Variants in SARS1 observed in about 807,000 individuals in gnomAD.
SARS1 encodes seryl-tRNA synthetase 1.
In SARS1, 25 loss-of-function variants were observed where a neutral mutation model predicts 63.7. The observed-to-expected ratio is 0.39, with a 90% CI of 0.29 to 0.55. SARS1 has a LOEUF of 0.55. Among genes scored for constraint, SARS1 ranks in the 20% least tolerant of loss-of-function variants. The pLI is 0.62. For synonymous variants in SARS1, 231 were observed against 243.5 expected (o/e 0.95, Z 0.48); for missense variants, 417 against 649.7 (o/e 0.64, Z 3.89).
At chr1:109,226,677 A>AAAAAATATATATATATAT (rs1178056468) in intron 2 of SARS1, among the ~76,000 whole-genome samples, 1 of 44,960 alleles carries the variant, frequency 2.2e-5, no homozygotes, top group African/African-American at 8.3e-5. Flanking sequence ...AAAAAAAAAA[A>AAAAAATATATATATATAT]ATATATATAT....
intron 3 of SARS1, among the ~76,000 whole-genome samples, chr1:109,228,885 G>A (rs1452707508): frequency 1.3e-5 from 2 of 152,174 alleles, no homozygotes; most frequent in Admixed American, 6.5e-5. Context: ...TGAAGGTCTC[G>A]GATTGGGGGC....
intron 4 of SARS1, among the ~76,000 whole-genome samples, chr1:109,230,574 A>G (rs1655187365): frequency 6.6e-6 from 1 of 152,194 alleles, no homozygotes; most frequent in Non-Finnish European, 1.5e-5. Flanking sequence ...TGGGAAGCCT[A>G]GGCAGGCGGA....
intron 1 of SARS1, chr1:109,216,621 AT>A: frequency 1.0e-6 from 1 of 980,884 alleles, no homozygotes; most frequent in Non-Finnish European, 1.2e-6. Context: ...TACATTGAAA[AT>A]TGAAGTTGTT....
chr1:109,218,183 ACT>A (rs1654836317), intron 1 of SARS1, among the ~76,000 whole-genome samples: 1 of 94,966 alleles, frequency 1.1e-5, no homozygotes, highest in Non-Finnish European at 1.9e-5. Flanking sequence ...ACACAGAGAG[ACT>A]CTGTCTCCAA....
rs576565286 is a variant in SARS1, at chr1:109,227,898, C to T, written c.208-454C>T. On this transcript the variant is annotated intron_variant, in intron 2 of 10. Coordinates refer to ENST00000234677, the MANE Select transcript of SARS1 (RefSeq NM_006513.4). ...CACGCAAACTGTACTCTAGCCTGGG[C>T]GACAGAGTGAGACTCCGTCAAAAAA... is the stretch of plus-strand genomic sequence containing the variant. 1.5e-3 allele frequency among the ~76,000 whole-genome samples: 205 copies of T among 140,368 alleles called. 1 individual carries two copies. Among genetic ancestry groups the T allele is most frequent in the African/African-American group, 5.2e-3 (198 of 38,012 alleles). 92.1% of individuals were successfully genotyped at this position (140,368 alleles called of 152,430 possible). A position where few individuals can be genotyped will look rare whatever the true frequency, so the allele number is the denominator to read the frequency against.
chr1:109,232,884 C>T (rs1655236141), intron 6 of SARS1, among the ~76,000 whole-genome samples: 1 of 152,228 alleles, frequency 6.6e-6, no homozygotes, highest in Admixed American at 6.5e-5. Context: ...GTAGCTGGTG[C>T]TCTCTGAGTC....
intron 2 of SARS1, 51 bp from the exon 3 acceptor site, chr1:109,228,301 G>T: frequency 7.6e-7 from 1 of 1,311,998 alleles, no homozygotes; most frequent in Non-Finnish European, 1.1e-6. Context: ...ATAAAACAAT[G>T]CCAGAGATTT....
intron 5 of SARS1, 26 bp downstream of exon 5, chr1:109,231,047 A>T: frequency 2.2e-6 from 3 of 1,344,708 alleles, no homozygotes; most frequent in Non-Finnish European, 2.9e-6. Context: ...CAGTGAGGAT[A>T]GGATTATGAA....
At chr1:109,215,508 A>G (rs1654762034) in intron 1 of SARS1, 3 of 984,840 alleles carry the variant, frequency 3.0e-6, no homozygotes, top group Non-Finnish European at 3.6e-6. Context: ...GGATATACAT[A>G]TACACATTTA....
At chr1:109,222,010 A>ATTTT (rs1172469174) in intron 1 of SARS1, among the ~76,000 whole-genome samples, 1 of 21,206 alleles carries the variant, frequency 4.7e-5, no homozygotes, top group Non-Finnish European at 6.9e-5. Flanking sequence ...ATATATATAT[A>ATTTT]TTTTTTTTTT....
At chr1:109,224,105 G>GCT in intron 2 of SARS1, 57 bp downstream of exon 2, 1 of 1,286,832 alleles carries the variant, frequency 7.8e-7, no homozygotes, top group Non-Finnish European at 1.1e-6. Context: ...ATTTGATCTT[G>GCT]CTCTTAGCTA....
At position 109,215,383 on chromosome 1, in the gene SARS1, C is replaced by G. The variant is rs142794593; in HGVS notation, c.136+1255C>G. ...TGCTAAATGACTTTGAATGTGTTAGCTAGTCTTTTGGGTATAATGTCCACA... is the reference window on the plus strand; with the variant it reads ...TGCTAAATGACTTTGAATGTGTTAGGTAGTCTTTTGGGTATAATGTCCACA... On this transcript the variant is annotated intron_variant, in intron 1 of 10. Coordinates refer to ENST00000234677, the MANE Select transcript of SARS1 (RefSeq NM_006513.4). 2.2e-4 allele frequency: 213 copies of G among 985,430 alleles called. No homozygotes were observed. In the African/African-American group the frequency reaches 3.5e-3, roughly 16 times the overall value. 61.0% of individuals were successfully genotyped at this position (985,430 alleles called of 1,614,324 possible).
intron 1 of SARS1, among the ~76,000 whole-genome samples, chr1:109,219,335 C>CTA (rs112352590): frequency 0.16 from 20,549 of 127,232 alleles, 2,168 homozygotes; most frequent in African/African-American, 0.29. Context: ...TATATACACA[C>CTA]TATATATATA....
intron 1 of SARS1, chr1:109,216,247 A>G (rs1570751881): frequency 1.0e-6 from 1 of 985,398 alleles, no homozygotes; most frequent in African/African-American, 1.7e-5. Flanking sequence ...AACTCAGATC[A>G]TGCTCCCTAA....
rs773937466 is a variant in SARS1 at position 109,221,970 on chromosome 1, GTATATATATATATATATATATATATATA to G, written c.137-1994_137-1967del. Among the ~76,000 whole-genome samples, 89 of 28,068 alleles carry G rather than the reference GTATATATATATATATATATATATATATA, an allele frequency of 3.2e-3. 7 individuals carry two copies. Among genetic ancestry groups the G allele is most frequent in the Middle Eastern group, 0.036 (1 of 28 alleles). 18.4% of individuals were successfully genotyped at this position (28,068 alleles called of 152,430 possible). ...GCTCAGCTAATTTTTTTGTGTGTGT[GTATATATATATATATATATATATATATA>G]TATATATATATATTTTTTTTTTTTT... On this transcript the variant is annotated intron_variant, in intron 1 of 10. Transcript: ENST00000234677.
At chr1:109,218,049 C>T (rs974481509) in intron 1 of SARS1, among the ~76,000 whole-genome samples, 23 of 151,478 alleles carry the variant, frequency 1.5e-4, no homozygotes, top group East Asian at 3.9e-4. Context: ...AATAATTAGC[C>T]GGGCATGGTG....
chr1:109,218,849 T>C (rs1316671289), intron 1 of SARS1, among the ~76,000 whole-genome samples: 2 of 152,200 alleles, frequency 1.3e-5, no homozygotes, highest in East Asian at 1.9e-4. Flanking sequence ...ATTTATACTA[T>C]TCCTGTATAT....
In SARS1 at chr1:109,237,711, G is replaced by T. The variant is rs773860351; in HGVS notation, c.1388-20G>T. On this transcript the variant is annotated intron_variant, in intron 10 of 10. Coordinates refer to ENST00000234677, the MANE Select transcript of SARS1 (RefSeq NM_006513.4). The surrounding 1 kb of genome is among the most constrained non-coding windows in gnomAD (Gnocchi z 4.1). Reference sequence around the variant, plus strand: ...CTCACTGAGAAACAACAGGTCATTTGGTTGGCTCTTCCCTCCCAGGACTGC... The same window carrying T: ...CTCACTGAGAAACAACAGGTCATTTTGTTGGCTCTTCCCTCCCAGGACTGC... 1.9e-6 allele frequency: 3 copies of T among 1,612,762 alleles called. No homozygotes were observed. The highest frequency in any genetic ancestry group is 2.7e-5 in the African/African-American group (2 of 74,888).
chr1:109,226,731 T>C (rs7552765), intron 2 of SARS1, among the ~76,000 whole-genome samples: 61 of 45,544 alleles, frequency 1.3e-3, no homozygotes, highest in African/African-American at 2.4e-3. Flanking sequence ...CACACACATA[T>C]ATATATATTT....
Sources: gnomAD v4.1 joint callset for allele counts (sites outside exome capture counted in the v4.1 genomes callset) on GRCh38, gnomAD v4.1.1 for gene constraint, Gnocchi (gnomAD v3.1) non-coding constraint, MANE v1.5 for transcripts, NCBI Gene and HGNC (gene_info 2026-07-23, HGNC 2026-07-21) for gene names.